The following PCDHGA6 variants were observed in gnomAD, a reference collection of about 807,000 sequenced individuals.
The protein encoded by PCDHGA6 is protocadherin gamma subfamily A, 6, also known as protocadherin gamma-A6.
PCDHGA6 carries 41 observed loss-of-function variants against 60.6 expected under a neutral mutation model. The ratio of observed to expected loss-of-function variants is 0.68; its 90% confidence interval spans 0.53 to 0.88. The LOEUF (loss-of-function observed/expected upper bound fraction) is 0.88, where lower values mean the gene tolerates loss of function less well. Among genes scored for constraint, PCDHGA6 ranks in the 40% least tolerant of loss-of-function variants. PCDHGA6 has a pLI of 0.00. For missense variants in PCDHGA6, 1,312 were observed against 1,203.0 expected (o/e 1.09, Z -1.34); for synonymous variants, 594 against 524.4 (o/e 1.13, Z -1.81).
intron 2 of PCDHGA6, among the ~76,000 whole-genome samples, chr5:141,502,250 T>A (rs915754322): frequency 2.6e-5 from 4 of 152,242 alleles, no homozygotes; most frequent in East Asian, 3.8e-4. Context: ...TCCTTTTTTT[T>A]AATCCAGGAT....
chr5:141,384,399 A>G (rs1269939422), intron 1 of PCDHGA6: 2 of 1,613,970 alleles, frequency 1.2e-6, no homozygotes, highest in Non-Finnish European at 1.7e-6. Context: ...AGGGGGCTCC[A>G]GTGTCCTCCT....
chr5:141,383,312 T>C (rs1271523069), intron 1 of PCDHGA6: 1 of 1,613,832 alleles, frequency 6.2e-7, no homozygotes, highest in Admixed American at 1.7e-5. Flanking sequence ...ACGGAAGAAA[T>C]AAATGTAAAA....
chr5:141,474,011 A>T (rs910186122), intron 1 of PCDHGA6, among the ~76,000 whole-genome samples: 2 of 152,112 alleles, frequency 1.3e-5, no homozygotes, highest in Non-Finnish European at 2.9e-5. Flanking sequence ...TGGAAGTTAC[A>T]GTGAGCTATG....
intron 1 of PCDHGA6, among the ~76,000 whole-genome samples, chr5:141,465,091 G>A (rs1689517062): frequency 6.7e-6 from 1 of 149,016 alleles, no homozygotes; most frequent in Non-Finnish European, 1.5e-5. Context: ...CATTTTTCTA[G>A]TAGTTTTTTT....
At chr5:141,377,906 C>G (rs777974750) in intron 1 of PCDHGA6, 1 of 152,162 alleles carries the variant, frequency 6.6e-6, no homozygotes, top group East Asian at 1.9e-4. Context: ...GTTGCCCAGT[C>G]TGGAGTAAAA....
At chr5:141,484,102 A>T (rs1404220648) in intron 1 of PCDHGA6, among the ~76,000 whole-genome samples, 1 of 152,206 alleles carries the variant, frequency 6.6e-6, no homozygotes, top group African/African-American at 2.4e-5. Flanking sequence ...GTTGGTAATT[A>T]ACAAAAGATC....
At position 141,491,645 on chromosome 5, in the gene PCDHGA6, C is replaced by T; in HGVS notation, c.2425-3162C>T. On this transcript the variant is annotated intron_variant, in intron 1 of 3. Transcript: ENST00000517434. The surrounding 1 kb of genome is among the most constrained non-coding windows in gnomAD (Gnocchi z 6.9). ...AGCGTTCAGCAGCCCACAGCTCTGG[C>T]GCTGGAGCCTGACGCCATCCGGTCC... 1.2e-6 allele frequency: 2 copies of T among 1,613,890 alleles called. No homozygotes were observed. Among genetic ancestry groups the T allele is most frequent in the African/African-American group, 1.3e-5 (1 of 75,082 alleles).
At chr5:141,430,737 A>G in intron 1 of PCDHGA6, 1 of 1,498,286 alleles carries the variant, frequency 6.7e-7, no homozygotes, top group South Asian at 1.4e-5. Flanking sequence ...CAGAATTGAA[A>G]ATAATTCTGG....
chr5:141,387,024 G>T (rs888266912), intron 1 of PCDHGA6, among the ~76,000 whole-genome samples: 2 of 152,172 alleles, frequency 1.3e-5, no homozygotes, highest in Non-Finnish European at 2.9e-5. Context: ...GATGAATGTT[G>T]TATTTCATAA....
intron 1 of PCDHGA6, chr5:141,398,633 A>G: frequency 6.2e-7 from 1 of 1,614,064 alleles, no homozygotes; most frequent in Non-Finnish European, 8.5e-7. Flanking sequence ...TCTCTGCAGA[A>G]GTATAAACTC....
chr5:141,431,189 G>A lies in PCDHGA6; in HGVS notation c.2424+54682G>A. 2 of 1,614,208 alleles carry A rather than the reference G, an allele frequency of 1.2e-6. No homozygotes were observed. The highest frequency in any genetic ancestry group is 1.7e-6 in the Non-Finnish European group (2 of 1,180,036). On this transcript the variant is annotated intron_variant, in intron 1 of 3. Transcript: ENST00000517434. This position sits in a 1 kb window ranked among gnomAD's most constrained non-coding sequence, Gnocchi z 4.8. ...AAGTGAATTAGAAATAAAAATTAGT[G>A]AAAATGCAGCCACTGAGATGCGGTT...
intron 1 of PCDHGA6, chr5:141,394,883 A>G (rs370442493): frequency 1.2e-6 from 2 of 1,611,604 alleles, no homozygotes; most frequent in African/African-American, 2.7e-5. Context: ...CGAGCCTTAC[A>G]CTCTATCTCG....
In PCDHGA6 at chr5:141,490,262, G is replaced by A; in HGVS notation, c.2425-4545G>A. 1.2e-6 allele frequency: 2 copies of A among 1,614,206 alleles called. No homozygotes were observed. Among genetic ancestry groups the A allele is most frequent in the South Asian group, 1.1e-5 (1 of 91,086 alleles). On this transcript the variant is annotated intron_variant, in intron 1 of 3. Transcript: ENST00000517434. The surrounding 1 kb of genome is among the most constrained non-coding windows in gnomAD (Gnocchi z 5.4). ...CACTGTGTGATTCAAGTGGATGTGGGGGATGTCAATGACAATGCCCCAGAG... is the reference window on the plus strand; with the variant it reads ...CACTGTGTGATTCAAGTGGATGTGGAGGATGTCAATGACAATGCCCCAGAG...
chr5:141,445,361 G>A (rs2098464750), intron 1 of PCDHGA6, among the ~76,000 whole-genome samples: 2 of 152,138 alleles, frequency 1.3e-5, no homozygotes, highest in African/African-American at 4.8e-5. Context: ...GCCCAAGTCT[G>A]GTCCTGGGTG....
chr5:141,488,985 C>G lies in PCDHGA6; in HGVS notation c.2425-5822C>G, dbSNP rs574857958. On this transcript the variant is annotated intron_variant, in intron 1 of 3. Transcript: ENST00000517434. ...ACTTTTTGGCCAATCAGACTCAGAG[C>G]TGAGGTGGGAGATCTGCTCTTCCAG... The G allele has an allele frequency of 7.4e-6, 3 of 405,188 alleles. No homozygotes were observed. In the South Asian group the frequency reaches 2.4e-4, roughly 32 times the overall value. The allele number at this position is 405,188 out of a possible 1,614,324, so 25.1% of individuals were successfully genotyped here.
chr5:141,430,720 T>G, intron 1 of PCDHGA6: 1 of 1,486,390 alleles, frequency 6.7e-7, no homozygotes, highest in East Asian at 2.4e-5. Flanking sequence ...ACTTCAGTGG[T>G]TAAGGGCAGA....
intron 1 of PCDHGA6, chr5:141,392,664 C>CT (rs530587453): frequency 1.2e-6 from 1 of 817,260 alleles, no homozygotes; most frequent in South Asian, 2.1e-5. Flanking sequence ...ATGCCACAAA[C>CT]TAACTGCTGG....
At position 141,491,891 on chromosome 5, in the gene PCDHGA6, G is replaced by T. The variant is rs1487484740; in HGVS notation, c.2425-2916G>T. On this transcript the variant is annotated intron_variant, in intron 1 of 3. Coordinates refer to ENST00000517434, the MANE Select transcript of PCDHGA6 (RefSeq NM_018919.3). This position sits in a 1 kb window ranked among gnomAD's most constrained non-coding sequence, Gnocchi z 6.9. ...GTGGCCGATTAAGGGATGGGGCTCC[G>T]AGCACCGGGGGTGGTGGCGACTGTG... 19 of 1,439,438 alleles carry T rather than the reference G, an allele frequency of 1.3e-5. No homozygotes were observed. The East Asian group carries it at 4.8e-4, about 36-fold the overall frequency. 89.2% of individuals were successfully genotyped at this position (1,439,438 alleles called of 1,614,324 possible). A position where few individuals can be genotyped will look rare whatever the true frequency, so the allele number is the denominator to read the frequency against.
chr5:141,427,974 G>T, intron 1 of PCDHGA6: 1 of 1,594,576 alleles, frequency 6.3e-7, no homozygotes, highest in South Asian at 1.1e-5. Flanking sequence ...GCTGTACCCC[G>T]CGCTGGGGCC....
Sources: allele counts gnomAD v4.1 joint callset (sites outside exome capture counted in the v4.1 genomes callset), GRCh38; gene constraint gnomAD v4.1.1; non-coding constraint Gnocchi (gnomAD v3.1); transcripts MANE v1.5; gene names NCBI Gene and HGNC (gene_info 2026-07-23, HGNC 2026-07-21).